Variants in ATP2C2 observed in about 807,000 individuals in gnomAD.
The protein encoded by ATP2C2 is ATPase secretory pathway Ca2+ transporting 2.
ATP2C2 carries 171 observed loss-of-function variants against 110.8 expected under a neutral mutation model. The observed-to-expected ratio is 1.54, with a 90% CI of 1.36 to 1.75. The LOEUF (loss-of-function observed/expected upper bound fraction) is 1.75. ATP2C2 is among the 40% of genes most tolerant of loss of function. The probability of loss-of-function intolerance (pLI) is 0.00; values close to 1 mark genes in which losing one functional copy is unlikely to be tolerated. For synonymous variants in ATP2C2, 804 were observed against 508.4 expected (o/e 1.58, Z -7.82); for missense variants, 1,963 against 1,235.0 (o/e 1.59, Z -8.84).
At chr16:84,449,344 C>CA (rs1910046184) in intron 17 of ATP2C2, among the ~76,000 whole-genome samples, 1 of 152,230 alleles carries the variant, frequency 6.6e-6, no homozygotes, top group Non-Finnish European at 1.5e-5. Context: ...TTCTGGGGCA[C>CA]AGTGAAGCCA....
Position 84,404,975 on chromosome 16 carries a change from G to A in ATP2C2, c.211-153G>A, listed in dbSNP as rs746100977. 35 of 746,658 alleles carry A rather than the reference G, an allele frequency of 4.7e-5. 1 individual carries two copies. Among genetic ancestry groups the A allele is most frequent in the Non-Finnish European group, 6.3e-5 (26 of 411,690 alleles). The allele number at this position is 746,658 out of a possible 1,614,324, so 46.3% of individuals were successfully genotyped here. Reference sequence around the variant, plus strand: ...CCTCCTCTCTCTGCCCCATCTGCACGGGGTCTTTGAACAAGTCCCAGCACC... The same window carrying A: ...CCTCCTCTCTCTGCCCCATCTGCACAGGGTCTTTGAACAAGTCCCAGCACC... On this transcript the variant is annotated intron_variant, in intron 2 of 26. Transcript: ENST00000262429.
intron 17 of ATP2C2, among the ~76,000 whole-genome samples, chr16:84,449,458 C>T (rs1403612799): frequency 6.6e-6 from 1 of 152,208 alleles, no homozygotes; most frequent in Non-Finnish European, 1.5e-5. Context: ...CTACAATAGG[C>T]TTACAGGTAA....
intron 3 of ATP2C2, 26 bp from the exon 4 acceptor site, chr16:84,408,379 G>C (rs562953630): frequency 6.2e-7 from 1 of 1,605,678 alleles, no homozygotes; most frequent in Non-Finnish European, 8.5e-7. Context: ...TAAAGAACGT[G>C]CCCCACCCTG....
intron 23 of ATP2C2, chr16:84,459,727 C>A: frequency 2.8e-6 from 2 of 721,122 alleles, no homozygotes; most frequent in Non-Finnish European, 2.3e-6. Flanking sequence ...CCACTCAATC[C>A]CCTCACCCTG....
intron 1 of ATP2C2, among the ~76,000 whole-genome samples, chr16:84,376,135 C>T (rs11862510): frequency 0.03 from 4,588 of 151,960 alleles, 218 homozygotes; most frequent in African/African-American, 0.11. Context: ...GGGGCTCCTG[C>T]GACCCCTTGC....
intron 1 of ATP2C2, among the ~76,000 whole-genome samples, chr16:84,375,800 A>C (rs767371593): frequency 6.6e-6 from 1 of 152,248 alleles, no homozygotes; most frequent in Non-Finnish European, 1.5e-5. Flanking sequence ...TCTTCTTTGT[A>C]ATCTTGTGCA....
intron 1 of ATP2C2, among the ~76,000 whole-genome samples, chr16:84,373,802 T>A (rs1910099782): frequency 6.6e-6 from 1 of 152,240 alleles, no homozygotes; most frequent in Admixed American, 6.5e-5. Context: ...TATCTAGTTT[T>A]GTTAGTGTTT....
chr16:84,449,700 G>T (rs893271789), intron 17 of ATP2C2, among the ~76,000 whole-genome samples: 2 of 152,202 alleles, frequency 1.3e-5, no homozygotes, highest in Non-Finnish European at 2.9e-5. Context: ...GGGCTGTGGC[G>T]TCCCTCCTGC....
rs1408212060 is a variant in ATP2C2 at position 84,453,147 on chromosome 16, T to C, written c.1841T>C (p.Ile614Thr). The change falls in exon 19 of 27, where the codon ATC (isoleucine) becomes ACC (threonine). Residue 614 changes from isoleucine (I) to threonine (T), a missense_variant. Coordinates refer to ENST00000262429, the MANE Select transcript of ATP2C2 (RefSeq NM_014861.4). The stretch of plus-strand genomic sequence containing the variant: ...ACAGGTTCTTCTGAAGGAAGAAACA[T>C]CGGCCTGTGCAACGGGAAGCTGCAA... ...LETALAIGRNIGLCNGKLQAM... is the reference protein window; with the variant it reads ...LETALAIGRNTGLCNGKLQAM... 1 of 1,611,622 alleles carries C rather than the reference T, an allele frequency of 6.2e-7. No homozygotes were observed. Among genetic ancestry groups the C allele is most frequent in the Non-Finnish European group, 8.5e-7 (1 of 1,178,792 alleles).
intron 1 of ATP2C2, among the ~76,000 whole-genome samples, chr16:84,379,419 G>A (rs1170669095): frequency 6.6e-6 from 1 of 152,186 alleles, no homozygotes; most frequent in African/African-American, 2.4e-5. Flanking sequence ...GTCCACCGCG[G>A]TCTCCCAAAG....
intron 1 of ATP2C2, among the ~76,000 whole-genome samples, chr16:84,375,006 G>A (rs1041717369): frequency 6.6e-6 from 1 of 152,170 alleles, no homozygotes; most frequent in African/African-American, 2.4e-5. Context: ...ATGGTTGTTT[G>A]AGGGTTAATA....
chr16:84,374,414 G>GC (rs1910136281), intron 1 of ATP2C2, among the ~76,000 whole-genome samples: 1 of 152,126 alleles, frequency 6.6e-6, no homozygotes, highest in Non-Finnish European at 1.5e-5. Flanking sequence ...GTTGTAAGTT[G>GC]CCCCCCACCC....
chr16:84,460,394 CTG>C (rs1911178442), intron 23 of ATP2C2: 1 of 548,716 alleles, frequency 1.8e-6, no homozygotes, highest in Non-Finnish European at 3.3e-6. Context: ...GTGTATGGAA[CTG>C]TGTGTGGTTG....
At chr16:84,382,895 A>T (rs1469716759) in intron 1 of ATP2C2, among the ~76,000 whole-genome samples, 1 of 61,166 alleles carries the variant, frequency 1.6e-5, no homozygotes. Context: ...GACTCCATCT[A>T]AAAAAAAAAA....
intron 1 of ATP2C2, among the ~76,000 whole-genome samples, chr16:84,391,691 G>A (rs1478062977): frequency 6.6e-6 from 1 of 152,166 alleles, no homozygotes; most frequent in Admixed American, 6.5e-5. Context: ...GGGTTCAATG[G>A]GAACGTGGCC....
chr16:84,455,576 A>G (rs1204293090), intron 21 of ATP2C2, among the ~76,000 whole-genome samples: 1 of 151,876 alleles, frequency 6.6e-6, no homozygotes, highest in Non-Finnish European at 1.5e-5. Context: ...CCTAATTTTA[A>G]TTAGTTCTGA....
rs693552 is a variant in ATP2C2, at chr16:84,459,077, A to C, written c.2148-43A>C. The C allele has an allele frequency of 0.49, 794,999 of 1,608,566 alleles. 199,078 individuals are homozygous for C. Among genetic ancestry groups the C allele is most frequent in the African/African-American group, 0.54 (40,678 of 74,846 alleles). ...CAACCGATGCACTGGTCCAGCCCTC[A>C]CGCAGGCCCGCTCCGTGAGTAAATG... On this transcript the variant is annotated intron_variant, in intron 21 of 26. Transcript: ENST00000262429.
At chr16:84,412,356 G>GTA (rs1555557497) in intron 6 of ATP2C2, among the ~76,000 whole-genome samples, 3 of 149,060 alleles carry the variant, frequency 2.0e-5, no homozygotes, top group Admixed American at 1.3e-4. Context: ...GTCTGCGTGC[G>GTA]TGTGTGCATG....
chr16:84,384,109 C>T (rs1183097562), intron 1 of ATP2C2, among the ~76,000 whole-genome samples: 2 of 152,072 alleles, frequency 1.3e-5, no homozygotes, highest in Non-Finnish European at 2.9e-5. Context: ...AAGTGACAGT[C>T]TTCATTAATC....
Sources: allele counts gnomAD v4.1 joint callset (sites outside exome capture counted in the v4.1 genomes callset), GRCh38; gene constraint gnomAD v4.1.1; transcripts MANE v1.5; gene names NCBI Gene and HGNC (gene_info 2026-07-23, HGNC 2026-07-21).